The following GRIN2B variants were observed in gnomAD, a reference collection of about 807,000 sequenced individuals.
GRIN2B encodes glutamate receptor ionotropic, NMDA 2B.
A neutral mutation model predicts 114.5 loss-of-function variants in GRIN2B; 5 were observed. The observed-to-expected ratio is 0.04, with a 90% confidence interval of 0.02 to 0.09. The LOEUF (loss-of-function observed/expected upper bound fraction) is 0.09. Ranked by LOEUF, GRIN2B falls within the 10% of genes least tolerant of loss-of-function variation. The pLI is 1.00. For synonymous variants in GRIN2B, 787 were observed against 745.1 expected (o/e 1.06, Z -0.92); for missense variants, 1,108 against 1,943.5 (o/e 0.57, Z 8.08).
chr12:13,619,523 G>A (rs190601722), intron 5 of GRIN2B, among the ~76,000 whole-genome samples: 366 of 152,130 alleles, frequency 2.4e-3, no homozygotes, highest in African/African-American at 8.5e-3. Flanking sequence ...GTTTGTTCAC[G>A]CAGTTCCCTC....
chr12:13,875,072 A>C (rs1865973892), intron 2 of GRIN2B, among the ~76,000 whole-genome samples: 2 of 147,570 alleles, frequency 1.4e-5, no homozygotes, highest in African/African-American at 2.5e-5. Context: ...TCTCTCCCCC[A>C]CTCCCTCCCC....
chr12:13,900,475 CAA>C (rs967592378), intron 2 of GRIN2B, among the ~76,000 whole-genome samples: 4 of 136,248 alleles, frequency 2.9e-5, no homozygotes, highest in African/African-American at 5.4e-5. Context: ...AACTCCATCT[CAA>C]AAAAAAAAAA....
chr12:13,717,450 T>C (rs1307580924), intron 4 of GRIN2B, among the ~76,000 whole-genome samples: 1 of 151,960 alleles, frequency 6.6e-6, no homozygotes, highest in East Asian at 1.9e-4. Flanking sequence ...CAGTTTCTCC[T>C]CTGTTAAATG....
At chr12:13,921,996 G>A (rs1038718106) in intron 2 of GRIN2B, among the ~76,000 whole-genome samples, 1 of 152,190 alleles carries the variant, frequency 6.6e-6, no homozygotes. Context: ...CTTAGGTTCT[G>A]TATCAGGAAA....
At chr12:13,791,897 G>T (rs982669192) in intron 3 of GRIN2B, among the ~76,000 whole-genome samples, 2 of 152,098 alleles carry the variant, frequency 1.3e-5, no homozygotes, top group Non-Finnish European at 2.9e-5. Flanking sequence ...CGAACATCAG[G>T]TCTCATTTCT....
intron 3 of GRIN2B, among the ~76,000 whole-genome samples, chr12:13,816,760 A>ATG (rs1565548636): frequency 1.3e-5 from 2 of 152,198 alleles, no homozygotes; most frequent in East Asian, 3.8e-4. Flanking sequence ...TATATGTGTT[A>ATG]TGTGTGTGTA....
chr12:13,810,267 G>A (rs945891263), intron 3 of GRIN2B, among the ~76,000 whole-genome samples: 7 of 151,110 alleles, frequency 4.6e-5, no homozygotes, highest in Non-Finnish European at 8.8e-5. Flanking sequence ...CCAGGCTGGA[G>A]TGCAATGTCA....
rs370462537 is a variant in GRIN2B at position 13,570,146 on chromosome 12, T to C, written c.2172-129A>G. On this transcript the variant is annotated intron_variant, in intron 11 of 13. Transcript: ENST00000609686. ...GAATTGGTTCAAAGTAAGGTTTAAG[T>C]TGGAACTCTGCCAGAATCTAAAGCC... is the stretch of plus-strand genomic sequence containing the variant. The C allele has an allele frequency of 1.1e-4, 80 of 704,250 alleles. 1 individual carries two copies. In the East Asian group the frequency reaches 1.5e-3, roughly 13 times the overall value. The allele number at this position is 704,250 out of a possible 1,614,324, so 43.6% of individuals were successfully genotyped here. A position where few individuals can be genotyped will look rare whatever the true frequency, so the allele number is the denominator to read the frequency against.
chr12:13,540,518 A>C lies in GRIN2B; in HGVS notation c.*22265T>G, dbSNP rs2062053839. ...CCCGACCCCAATGAGAAACAAGATA[A>C]ATCAAAAGAATGAAATCAACTTATT... On this transcript the variant is annotated 3_prime_UTR_variant, in exon 14 of 14. Transcript: ENST00000609686. 6.6e-6 allele frequency: 1 copy of C among 151,388 alleles called. No homozygotes were observed. The highest frequency in any genetic ancestry group is 2.1e-4 in the South Asian group (1 of 4,742). The allele number at this position is 151,388 out of a possible 1,614,324, so 9.4% of individuals were successfully genotyped here.
At chr12:13,955,769 C>T (rs377496729) in intron 2 of GRIN2B, among the ~76,000 whole-genome samples, 38 of 152,124 alleles carry the variant, frequency 2.5e-4, no homozygotes, top group African/African-American at 8.4e-4. Context: ...AGGTAAGCAG[C>T]CAGTGGTTTC....
intron 5 of GRIN2B, among the ~76,000 whole-genome samples, 199 bp from the exon 6 acceptor site, chr12:13,616,856 A>G (rs1341887478): frequency 2.0e-5 from 3 of 152,224 alleles, no homozygotes; most frequent in African/African-American, 7.2e-5. Context: ...AAGAAAGGCA[A>G]TACATTCATT....
chr12:13,638,741 T>C (rs1056105354), intron 5 of GRIN2B, among the ~76,000 whole-genome samples: 5 of 152,044 alleles, frequency 3.3e-5, no homozygotes, highest in African/African-American at 1.2e-4. Flanking sequence ...GAAAATAAGG[T>C]TGGCGGAAGC....
chr12:13,827,229 C>CTTTTTTTTTTTTTTTTT (rs57007962), intron 3 of GRIN2B, among the ~76,000 whole-genome samples: 81 of 98,524 alleles, frequency 8.2e-4, no homozygotes, highest in East Asian at 2.3e-3. Context: ...TTGTTGTTTT[C>CTTTTTTTTTTTTTTTTT]TTTTTTTTTT....
Position 13,675,836 on chromosome 12 carries a change from T to G in GRIN2B, c.1034A>C (p.Glu345Ala), listed in dbSNP as rs1283419075. The change falls in exon 5 of 14, where the codon GAG (glutamate) becomes GCG (alanine). Residue 345 changes from glutamate (E) to alanine (A), a missense_variant. Coordinates refer to ENST00000609686, the MANE Select transcript of GRIN2B (RefSeq NM_000834.5). ...LNRYLINVTFEGRNLSFSEDG... is the reference protein window; with the variant it reads ...LNRYLINVTFAGRNLSFSEDG... Reference sequence around the variant, plus strand: ...TTCACTGAAGGACAAATTCCTCCCCTCAAAAGTGACATTGATCAGATACCT... The same window carrying G: ...TTCACTGAAGGACAAATTCCTCCCCGCAAAAGTGACATTGATCAGATACCT... 1 of 1,600,398 alleles carries G rather than the reference T, an allele frequency of 6.2e-7. No homozygotes were observed. The highest frequency in any genetic ancestry group is 1.3e-5 in the African/African-American group (1 of 74,502).
intron 5 of GRIN2B, among the ~76,000 whole-genome samples, chr12:13,637,702 A>C (rs1399970991): frequency 6.6e-6 from 1 of 152,190 alleles, no homozygotes; most frequent in African/African-American, 2.4e-5. Context: ...ACCCTGATGA[A>C]AAGATTTACT....
intron 3 of GRIN2B, among the ~76,000 whole-genome samples, chr12:13,795,636 T>A (rs910130134): frequency 1.3e-5 from 2 of 152,216 alleles, no homozygotes; most frequent in East Asian, 1.9e-4. Context: ...TGCATATGTA[T>A]GTTTATTGCA....
chr12:13,861,064 G>T (rs902714782), intron 3 of GRIN2B, among the ~76,000 whole-genome samples: 6 of 152,110 alleles, frequency 3.9e-5, no homozygotes, highest in Non-Finnish European at 8.8e-5. Context: ...AAAATGTAAG[G>T]TGTATAGGGC....
intron 3 of GRIN2B, among the ~76,000 whole-genome samples, chr12:13,834,197 A>ATTTTTTTTTTTTTTTTTTTTTTTTT (rs756189402): frequency 2.7e-5 from 3 of 111,502 alleles, no homozygotes; most frequent in African/African-American, 7.3e-5. Flanking sequence ...CGCCTGGCTA[A>ATTTTTTTTTTTTTTTTTTTTTTTTT]TTTTTTTTTT....
chr12:13,897,039 A>T (rs1230438998), intron 2 of GRIN2B, among the ~76,000 whole-genome samples: 2 of 152,168 alleles, frequency 1.3e-5, no homozygotes, highest in Admixed American at 6.6e-5. Context: ...ATGTTACTTA[A>T]AATATTGCAA....
Sources: allele counts gnomAD v4.1 joint callset (sites outside exome capture counted in the v4.1 genomes callset), GRCh38; gene constraint gnomAD v4.1.1; transcripts MANE v1.5; gene names NCBI Gene and HGNC (gene_info 2026-07-23, HGNC 2026-07-21).